NVL: variants seen among roughly 807,000 people sequenced by gnomAD.
The protein encoded by NVL is nuclear valosin-containing protein-like.
In NVL, 84 loss-of-function variants were observed where a neutral mutation model predicts 110.2. The observed-to-expected ratio is 0.76, with a 90% CI of 0.64 to 0.91. The LOEUF is 0.91. Among genes scored for constraint, NVL ranks in the 40% least tolerant of loss-of-function variants. The pLI is 0.00. For synonymous variants in NVL, 354 were observed against 361.1 expected, an observed-to-expected ratio of 0.98 and a Z score of 0.22; for missense variants, 882 against 1,035.9, an observed-to-expected ratio of 0.85 and a Z score of 2.04.
chr1:224,309,936 C>T (rs1669339761), intron 5 of NVL, among the ~76,000 whole-genome samples: 2 of 151,748 alleles, frequency 1.3e-5, no homozygotes, highest in Admixed American at 6.6e-5. Context: ...GGCTGAGGCA[C>T]GAGAATCACT....
At chr1:224,245,124 G>A (rs1661667310) in intron 19 of NVL, among the ~76,000 whole-genome samples, 1 of 152,138 alleles carries the variant, frequency 6.6e-6, no homozygotes, top group Non-Finnish European at 1.5e-5. Context: ...ATGTTAATAG[G>A]AGAAAGAGAA....
intron 15 of NVL, among the ~76,000 whole-genome samples, chr1:224,283,901 T>C (rs557389660): frequency 1.7e-4 from 26 of 152,354 alleles, no homozygotes; most frequent in African/African-American, 6.3e-4. Flanking sequence ...ATTAGTAGTA[T>C]AAATAAAAGT....
intron 19 of NVL, among the ~76,000 whole-genome samples, chr1:224,241,575 G>A (rs1000233919): frequency 1.3e-5 from 2 of 152,118 alleles, no homozygotes; most frequent in African/African-American, 4.8e-5. Context: ...GAAATTATAG[G>A]CCAGGCGTGG....
rs41271487 is a variant in NVL, at chr1:224,233,740, C to T, written c.2367-451G>A. ...CACCACTGCACTCCAGCCTGGGTAA[C>T]AGAGTGAGACTCTGTCCCAATTAAA... is the stretch of plus-strand genomic sequence containing the variant. On this transcript the variant is annotated intron_variant, in intron 20 of 22. Coordinates refer to ENST00000281701, the MANE Select transcript of NVL (RefSeq NM_002533.4). Among the ~76,000 whole-genome samples the T allele has an allele frequency of 9.4e-3, 1,425 of 152,054 alleles. 5 individuals are homozygous for T. Among genetic ancestry groups the T allele is most frequent in the Non-Finnish European group, 0.015 (1,015 of 68,002 alleles).
chr1:224,252,951 A>G (rs1395663685), intron 18 of NVL, among the ~76,000 whole-genome samples: 1 of 152,238 alleles, frequency 6.6e-6, no homozygotes, highest in Non-Finnish European at 1.5e-5. Context: ...GTGGAATTAT[A>G]CAATATGTAC....
chr1:224,328,524 G>A (rs1160813597), intron 1 of NVL, among the ~76,000 whole-genome samples: 3 of 151,998 alleles, frequency 2.0e-5, no homozygotes, highest in Non-Finnish European at 2.9e-5. Flanking sequence ...TAGGCTTTAG[G>A]TAAAAGCAGA....
At position 224,300,566 on chromosome 1, in the gene NVL, G is replaced by T. The variant is rs1668299877; in HGVS notation, c.1058C>A (p.Ala353Asp). ...EQKLRELFEQAVSNAPCIIFI... is the reference protein window; with the variant it reads ...EQKLRELFEQDVSNAPCIIFI... ...ATTAGTCATTAACTGACTCACCACAGCTTGCTCAAATAGTTCTCTCAGCTT... is the reference window on the plus strand; with the variant it reads ...ATTAGTCATTAACTGACTCACCACATCTTGCTCAAATAGTTCTCTCAGCTT... Residue 353 changes from alanine to aspartate, a missense_variant, in exon 10 of 23, where the codon GCT becomes GAT. Transcript: ENST00000281701. 6.2e-7 allele frequency: 1 copy of T among 1,612,642 alleles called. No homozygotes were observed. The highest frequency in any genetic ancestry group is 8.5e-7 in the Non-Finnish European group (1 of 1,178,872).
At chr1:224,264,399 C>G (rs1664286392) in intron 18 of NVL, among the ~76,000 whole-genome samples, 1 of 151,770 alleles carries the variant, frequency 6.6e-6, no homozygotes, top group Admixed American at 6.6e-5. Flanking sequence ...AGGCGCCCAC[C>G]ACCACGCCCA....
chr1:224,328,252 G>C (rs1181989643), intron 1 of NVL, among the ~76,000 whole-genome samples: 4 of 152,028 alleles, frequency 2.6e-5, no homozygotes, highest in Non-Finnish European at 2.9e-5. Flanking sequence ...AGGATGTCTT[G>C]GCCACGCCTG....
At chr1:224,278,766 T>TCAA (rs1375307513) in intron 16 of NVL, among the ~76,000 whole-genome samples, 1 of 152,012 alleles carries the variant, frequency 6.6e-6, no homozygotes, top group Non-Finnish European at 1.5e-5. Context: ...AGGATGTTGC[T>TCAA]CTGTTGCCTA....
At chr1:224,234,036 AC>A (rs1404879451) in intron 20 of NVL, among the ~76,000 whole-genome samples, 2 of 151,994 alleles carry the variant, frequency 1.3e-5, no homozygotes, top group Non-Finnish European at 2.9e-5. Context: ...TCTCAAGAAA[AC>A]CCCCCAAAAA....
At chr1:224,320,719 G>C (rs1252799042) in intron 2 of NVL, among the ~76,000 whole-genome samples, 2 of 151,914 alleles carry the variant, frequency 1.3e-5, no homozygotes, top group Non-Finnish European at 2.9e-5. Context: ...TGTGCAATCA[G>C]AGCTTGCCAC....
At chr1:224,314,183 A>T (rs1191010395) in intron 4 of NVL, among the ~76,000 whole-genome samples, 1 of 152,230 alleles carries the variant, frequency 6.6e-6, no homozygotes, top group Non-Finnish European at 1.5e-5. Context: ...AATCTCAAAA[A>T]TATAAATCTT....
intron 5 of NVL, among the ~76,000 whole-genome samples, chr1:224,311,368 T>C (rs1246147565): frequency 6.6e-6 from 1 of 151,142 alleles, no homozygotes; most frequent in Non-Finnish European, 1.5e-5. Flanking sequence ...GCCTTATTTT[T>C]TTTTTTAAAA....
chr1:224,289,639 G>A lies in NVL; in HGVS notation c.1420C>T (p.Leu474Phe). Residue 474 changes from leucine to phenylalanine, a missense_variant, in exon 13 of 23, where the codon CTC becomes TTC. Leu to Phe is a conservative substitution (Grantham distance 22). Transcript: ENST00000281701. ...GCTGCCTCTCGGCACAGTGCCATGA[G>A]ATCAGCACCAACAAAGCCTGGAGTT... The part of the protein sequence containing the change: ...HLTPGFVGAD[L>F]MALCREAAMC... 2.5e-6 allele frequency: 4 copies of A among 1,614,232 alleles called. No homozygotes were observed. Among genetic ancestry groups the A allele is most frequent in the Non-Finnish European group, 3.4e-6 (4 of 1,180,046 alleles).
At chr1:224,298,339 T>C in intron 10 of NVL, 1 of 204,634 alleles carries the variant, frequency 4.9e-6, no homozygotes, top group Non-Finnish European at 9.8e-6. Context: ...TCCAGCATGC[T>C]GCTGGCATTG....
Position 224,281,109 on chromosome 1 carries a change from G to A in NVL, c.1962+14C>T, listed in dbSNP as rs201855587. ...TTTCTAATCTAAAATAATGGTTCTT[G>A]CTCAATAACTTACCATGTTTAGTAA... On this transcript the variant is annotated intron_variant, in intron 16 of 22. Coordinates refer to ENST00000281701, the MANE Select transcript of NVL (RefSeq NM_002533.4). 1.1e-4 allele frequency: 173 copies of A among 1,608,784 alleles called. No homozygotes were observed. The highest frequency in any genetic ancestry group is 1.3e-4 in the Non-Finnish European group (155 of 1,175,540).
In NVL at chr1:224,282,513, C is replaced by T. The variant is rs114082732; in HGVS notation, c.1900-1328G>A. Among the ~76,000 whole-genome samples the T allele has an allele frequency of 6.9e-3, 1,057 of 152,260 alleles. 7 individuals carry two copies. Among genetic ancestry groups the T allele is most frequent in the African/African-American group, 0.024 (993 of 41,526 alleles). ...ATTTAACATCAGTTATCAGTCTTTA[C>T]GAAGAGTCAGTGTTGAGAAACTCAT... On this transcript the variant is annotated intron_variant, in intron 15 of 22. Coordinates refer to ENST00000281701, the MANE Select transcript of NVL (RefSeq NM_002533.4).
chr1:224,253,591 G>C (rs1277234742), intron 18 of NVL, among the ~76,000 whole-genome samples: 2 of 151,618 alleles, frequency 1.3e-5, no homozygotes, highest in South Asian at 2.1e-4. Context: ...AAATTAGCTA[G>C]GCGTGGTGGC....
Sources: gnomAD v4.1 joint callset for allele counts (sites outside exome capture counted in the v4.1 genomes callset) on GRCh38, gnomAD v4.1.1 for gene constraint, MANE v1.5 for transcripts, NCBI Gene and HGNC (gene_info 2026-07-23, HGNC 2026-07-21) for gene names.